FBLN7: variants seen among roughly 807,000 people sequenced by gnomAD.
FBLN7 encodes fibulin-7.
Under a neutral mutation model 44.0 loss-of-function variants are expected in FBLN7, and 31 were observed. The observed-to-expected ratio is 0.70, with a 90% CI of 0.53 to 0.95. The LOEUF (loss-of-function observed/expected upper bound fraction) is 0.95. Among genes scored for constraint, FBLN7 ranks in the 40% least tolerant of loss-of-function variants. The pLI, the probability that FBLN7 is intolerant of heterozygous loss-of-function variation, is 0.00. For synonymous variants in FBLN7, 262 were observed against 253.4 expected (o/e 1.03, Z -0.32); for missense variants, 573 against 618.5 (o/e 0.93, Z 0.78).
At chr2:112,238,209 G>T in the FBLN7 span, 1 of 1,150,234 alleles carries the variant, frequency 8.7e-7, no homozygotes, top group Non-Finnish European at 1.2e-6. Flanking sequence ...GAAAACCATA[G>T]TCTTATCATA....
chr2:112,160,748 G>GCACA (rs1168211946), intron 2 of FBLN7, among the ~76,000 whole-genome samples: 1 of 67,382 alleles, frequency 1.5e-5, no homozygotes, highest in African/African-American at 7.6e-5. Context: ...GCACACACGC[G>GCACA]CACGCACACA....
At chr2:112,151,231 A>G (rs567100271) in intron 1 of FBLN7, 107 of 152,324 alleles carry the variant, frequency 7.0e-4, no homozygotes, top group African/African-American at 2.4e-3. Flanking sequence ...GCCTGAGTAC[A>G]TTGTCAGGGT....
intron 2 of FBLN7, among the ~76,000 whole-genome samples, chr2:112,163,070 C>A (rs548170665): frequency 6.6e-6 from 1 of 152,200 alleles, no homozygotes; most frequent in Non-Finnish European, 1.5e-5. Context: ...GAAGGCGATG[C>A]AGCAATGGGC....
chr2:112,147,642 C>T (rs144624838), intron 1 of FBLN7, among the ~76,000 whole-genome samples: 9 of 152,236 alleles, frequency 5.9e-5, no homozygotes, highest in East Asian at 1.9e-4. Context: ...CGTGGCCCTG[C>T]GGCTACACAG....
At chr2:112,208,272 G>C in the FBLN7 span, among the ~76,000 whole-genome samples, 1 of 152,082 alleles carries the variant, frequency 6.6e-6, no homozygotes, top group African/African-American at 2.4e-5. Context: ...ATGGTGGCAG[G>C]TGCCTGTAAT....
At chr2:112,140,938 T>C (rs1680614636) in intron 1 of FBLN7, among the ~76,000 whole-genome samples, 1 of 152,250 alleles carries the variant, frequency 6.6e-6, no homozygotes, top group Admixed American at 6.5e-5. Flanking sequence ...GATTTATTTG[T>C]TTAATACTTG....
At chr2:112,162,463 A>G (rs532518324) in intron 2 of FBLN7, among the ~76,000 whole-genome samples, 6 of 152,152 alleles carry the variant, frequency 3.9e-5, no homozygotes, top group East Asian at 1.9e-4. Context: ...CATCAGCTTC[A>G]GGGTTCATCC....
At chr2:112,238,612 T>C in the FBLN7 span, 1 of 1,138,760 alleles carries the variant, frequency 8.8e-7, no homozygotes, top group Admixed American at 2.4e-5. Context: ...AGATTGGCTA[T>C]AAACTGGTCA....
intron 4 of FBLN7, among the ~76,000 whole-genome samples, chr2:112,180,534 C>T (rs576347071): frequency 1.3e-5 from 2 of 152,276 alleles, no homozygotes; most frequent in East Asian, 3.9e-4. Context: ...CATAAAGACA[C>T]ATGCACTCGA....
rs780732262 is a variant in FBLN7 at position 112,187,445 on chromosome 2, G to A, written c.1259G>A (p.Arg420His). ...GTCGACATGTCGGAATACCTGGACC[G>A]CTCCTTCCAGGCCAACCACGTGTCC... ...VDVDMSEYLD[R>H]SFQANHVSKV... is the part of the protein sequence containing the mutation. The change falls in exon 8 of 8, where the codon CGC (arginine) becomes CAC (histidine). Residue 420 changes from arginine (R) to histidine (H), a missense_variant. Coordinates refer to ENST00000331203, the MANE Select transcript of FBLN7 (RefSeq NM_153214.3). The surrounding 1 kb of genome is among the most constrained non-coding windows in gnomAD (Gnocchi z 5.1). 6.2e-6 allele frequency: 10 copies of A among 1,614,038 alleles called. No homozygotes were observed. The highest frequency in any genetic ancestry group is 2.2e-5 in the East Asian group (1 of 44,880).
the FBLN7 span, among the ~76,000 whole-genome samples, chr2:112,201,709 C>T: frequency 1.3e-5 from 2 of 152,240 alleles, no homozygotes; most frequent in Admixed American, 6.5e-5. Context: ...TACACAAGGA[C>T]AGGCATTCAG....
the FBLN7 span, among the ~76,000 whole-genome samples, chr2:112,200,761 G>A: frequency 1.5e-4 from 23 of 152,124 alleles, no homozygotes; most frequent in Admixed American, 5.9e-4. Flanking sequence ...GAACTCCTGA[G>A]CTCAGGTGAT....
At position 112,187,444 on chromosome 2, in the gene FBLN7, C is replaced by T. The variant is rs754453864; in HGVS notation, c.1258C>T (p.Arg420Cys). 1.5e-5 allele frequency: 25 copies of T among 1,614,064 alleles called. No individual in the cohort carries two copies. The highest frequency in any genetic ancestry group is 4.5e-5 in the East Asian group (2 of 44,892). ...VDVDMSEYLD[R>C]SFQANHVSKV... Reference sequence around the variant, plus strand: ...CGTCGACATGTCGGAATACCTGGACCGCTCCTTCCAGGCCAACCACGTGTC... The same window carrying T: ...CGTCGACATGTCGGAATACCTGGACTGCTCCTTCCAGGCCAACCACGTGTC... Residue 420 changes from arginine to cysteine, a missense_variant, in exon 8 of 8, where the codon CGC (arginine) becomes TGC (cysteine). Coordinates refer to ENST00000331203, the MANE Select transcript of FBLN7 (RefSeq NM_153214.3). The surrounding 1 kb of genome is among the most constrained non-coding windows in gnomAD (Gnocchi z 5.1).
intron 2 of FBLN7, 142 bp downstream of exon 2, chr2:112,159,977 T>A (rs1245664484): frequency 3.6e-6 from 2 of 556,108 alleles, no homozygotes; most frequent in East Asian, 3.6e-5. Flanking sequence ...CCCCCTTTTT[T>A]ATTTATTATT....
the FBLN7 span, among the ~76,000 whole-genome samples, chr2:112,232,822 T>C: frequency 2.0e-5 from 3 of 152,358 alleles, no homozygotes; most frequent in South Asian, 2.1e-4. Context: ...TCTGTGCCAT[T>C]TGCACTGAAG....
At chr2:112,200,518 G>GT in the FBLN7 span, among the ~76,000 whole-genome samples, 3 of 151,788 alleles carry the variant, frequency 2.0e-5, no homozygotes, top group Admixed American at 6.6e-5. Flanking sequence ...GGCGTAAATG[G>GT]TTTTTTTTGT....
chr2:112,175,770 G>T lies in FBLN7; in HGVS notation c.463G>T (p.Val155Phe), dbSNP rs750280305. The stretch of plus-strand genomic sequence containing the variant: ...AAATGGTGGTACATGTGTAGAAGGA[G>T]TCAACCAGTACAGATGCATTTGTCC... ...CQNGGTCVEG[V>F]NQYRCICPPG... is the part of the protein sequence containing the mutation. The change falls in exon 4 of 8, where the codon GTC becomes TTC. Residue 155 changes from valine (V) to phenylalanine (F), a missense_variant. Val to Phe is a conservative substitution (Grantham distance 50, BLOSUM62 -1). Transcript: ENST00000331203. The T allele has an allele frequency of 1.9e-6, 3 of 1,614,230 alleles. No homozygotes were observed. In the Admixed American group the frequency reaches 5.0e-5, roughly 27 times the overall value.
At chr2:112,143,603 A>T (rs909352438) in intron 1 of FBLN7, among the ~76,000 whole-genome samples, 3 of 152,216 alleles carry the variant, frequency 2.0e-5, no homozygotes, top group Admixed American at 6.5e-5. Flanking sequence ...CCACCACCAC[A>T]ATCAGGGTAC....
At chr2:112,172,627 CTTTTTTTTTTTTTTT>C (rs35062438) in intron 3 of FBLN7, among the ~76,000 whole-genome samples, 2 of 88,154 alleles carry the variant, frequency 2.3e-5, no homozygotes, top group Non-Finnish European at 4.2e-5. Context: ...CTTTTTCTTT[CTTTTTTTTTTTTTTT>C]TTTTTTTTTG....
Sources: allele counts gnomAD v4.1 joint callset (sites outside exome capture counted in the v4.1 genomes callset), GRCh38; gene constraint gnomAD v4.1.1; non-coding constraint Gnocchi (gnomAD v3.1); transcripts MANE v1.5; gene names NCBI Gene and HGNC (gene_info 2026-07-23, HGNC 2026-07-21).